PLS3: variants seen among roughly 807,000 people sequenced by gnomAD.
The protein encoded by PLS3 is plastin-3.
A neutral mutation model predicts 46.5 loss-of-function variants in PLS3; 11 were observed. The observed-to-expected ratio is 0.24, with a 90% CI of 0.15 to 0.39. The LOEUF is 0.39. PLS3 is among the 10% of genes least tolerant of loss of function. The pLI, the probability that PLS3 is intolerant of heterozygous loss-of-function variation, is 1.00. For synonymous variants in PLS3, 167 were observed against 162.2 expected (o/e 1.03, Z -0.22); for missense variants, 308 against 461.8 (o/e 0.67, Z 3.05).
intron 9 of PLS3, among the ~76,000 whole-genome samples, chrX:115,641,871 C>T (rs981598719): frequency 9.1e-5 from 10 of 109,876 alleles, no homozygotes; most frequent in African/African-American, 3.3e-4. Flanking sequence ...CTGCTTGGCA[C>T]TCACCCTACA....
At chrX:115,589,080 A>G (rs1307370632) in intron 1 of PLS3, among the ~76,000 whole-genome samples, 4 of 110,194 alleles carry the variant, frequency 3.6e-5, no homozygotes, top group African/African-American at 6.6e-5. Flanking sequence ...CTATCCTCCT[A>G]CCTCAGCCTC....
At chrX:115,606,595 C>T (rs985463340) in intron 1 of PLS3, among the ~76,000 whole-genome samples, 6 of 111,244 alleles carry the variant, frequency 5.4e-5, no homozygotes, top group Non-Finnish European at 7.5e-5. Flanking sequence ...AGAGAGGCCA[C>T]ATGTTTTAGA....
chrX:115,646,104 T>C lies in PLS3; in HGVS notation c.1295T>C (p.Leu432Ser). ...DLQDALVILQ[L>S]YERIKVPVDW... ...CAAGATGCCCTGGTAATCTTACAGT[T>C]ATATGAACGAATTAAAGTTCCTGTT... Residue 432 changes from leucine to serine, a missense_variant, in exon 12 of 16, where the codon TTA becomes TCA. Coordinates refer to ENST00000355899, the MANE Select transcript of PLS3 (RefSeq NM_005032.7). The C allele has an allele frequency of 1.7e-6, 2 of 1,184,720 alleles. No individual in the cohort carries two copies. Among genetic ancestry groups the C allele is most frequent in the Non-Finnish European group, 2.3e-6 (2 of 871,788 alleles).
intron 1 of PLS3, among the ~76,000 whole-genome samples, chrX:115,594,690 A>C (rs1041939135): frequency 4.9e-4 from 49 of 99,550 alleles, no homozygotes; most frequent in African/African-American, 1.3e-3. Context: ...ACACACACAC[A>C]CCCCACACAC....
At chrX:115,637,952 C>CTGTTGT (rs2074854551) in intron 8 of PLS3, among the ~76,000 whole-genome samples, 1 of 111,107 alleles carries the variant, frequency 9.0e-6, no homozygotes, top group Non-Finnish European at 1.9e-5. Flanking sequence ...GTTGTTGTTG[C>CTGTTGT]TGTTGTTGTT....
intron 11 of PLS3, among the ~76,000 whole-genome samples, chrX:115,645,310 A>T (rs782451123): frequency 4.5e-5 from 5 of 111,304 alleles, no homozygotes; most frequent in African/African-American, 1.6e-4. Flanking sequence ...AGAATATATA[A>T]ATGTCTTTAT....
chrX:115,580,721 A>G (rs1347472914), intron 1 of PLS3, among the ~76,000 whole-genome samples: 1 of 112,300 alleles, frequency 8.9e-6, no homozygotes, highest in African/African-American at 3.2e-5. Flanking sequence ...AATTGATTTA[A>G]TGAATTAGAC....
chrX:115,634,771 A>G (rs781850830), intron 6 of PLS3, 110 bp from the exon 7 acceptor site: 80 of 715,365 alleles, frequency 1.1e-4, no homozygotes, highest in South Asian at 7.5e-4. Context: ...GATGAAATTA[A>G]TACAGGGTAT....
In PLS3 at chrX:115,633,695, A is replaced by G. The variant is rs192129956; in HGVS notation, c.501-305A>G. 4.8e-3 allele frequency among the ~76,000 whole-genome samples: 522 copies of G among 108,956 alleles called. 5 individuals are homozygous for G. The highest frequency in any genetic ancestry group is 0.016 in the African/African-American group (490 of 29,875). The allele number at this position is 108,956 out of a possible 115,157, so 94.6% of individuals were successfully genotyped here. On this transcript the variant is annotated intron_variant, in intron 5 of 15. Coordinates refer to ENST00000355899, the MANE Select transcript of PLS3 (RefSeq NM_005032.7). Reference sequence around the variant, plus strand: ...TTTTGTAGAGACAGGGTCTCACTATATTGCCCAGGCTGGTCTGGAACTCCT... The same window carrying G: ...TTTTGTAGAGACAGGGTCTCACTATGTTGCCCAGGCTGGTCTGGAACTCCT...
chrX:115,601,994 C>G, intron 1 of PLS3, among the ~76,000 whole-genome samples: 1 of 111,928 alleles, frequency 8.9e-6, no homozygotes, highest in Non-Finnish European at 1.9e-5. Flanking sequence ...GCGAGTGTGT[C>G]TGTCACTAAC....
At chrX:115,604,752 T>C (rs1274905910) in intron 1 of PLS3, among the ~76,000 whole-genome samples, 3 of 111,802 alleles carry the variant, frequency 2.7e-5, no homozygotes, top group Non-Finnish European at 3.8e-5. Context: ...TATAGTACAA[T>C]GAATGCCCCA....
chrX:115,566,369 CT>C (rs1355514407), intron 1 of PLS3, among the ~76,000 whole-genome samples: 1 of 111,471 alleles, frequency 9.0e-6, no homozygotes, highest in Non-Finnish European at 1.9e-5. Flanking sequence ...CTTTCTTCTT[CT>C]TCTTTTGTTT....
At chrX:115,566,871 G>A (rs1024980449) in intron 1 of PLS3, among the ~76,000 whole-genome samples, 26 of 107,194 alleles carry the variant, frequency 2.4e-4, no homozygotes, top group Admixed American at 2.0e-4. Context: ...TAGAAATGGG[G>A]TTTCACCATG....
chrX:115,586,326 C>T (rs1445588026), intron 1 of PLS3, among the ~76,000 whole-genome samples: 3 of 106,777 alleles, frequency 2.8e-5, no homozygotes, highest in Non-Finnish European at 5.8e-5. Flanking sequence ...GATGTTAACT[C>T]ATTTTGTAAC....
chrX:115,633,257 G>A (rs781823067), intron 5 of PLS3, among the ~76,000 whole-genome samples: 83 of 108,240 alleles, frequency 7.7e-4, no homozygotes, highest in African/African-American at 2.5e-3. Flanking sequence ...TTCAACCTCC[G>A]CCTCCCAGGT....
At chrX:115,609,506 A>T (rs150004047) in intron 1 of PLS3, among the ~76,000 whole-genome samples, 1,476 of 111,834 alleles carry the variant, frequency 0.013, 20 homozygotes, top group Admixed American at 0.019. Flanking sequence ...ATGTGCCCCC[A>T]TCATCAAAAT....
intron 8 of PLS3, chrX:115,639,697 C>T (rs962474157): frequency 4.2e-5 from 14 of 331,438 alleles, no homozygotes; most frequent in African/African-American, 3.4e-4. Context: ...TCTTAATAAG[C>T]GTTTGTGCAA....
intron 2 of PLS3, among the ~76,000 whole-genome samples, chrX:115,611,350 C>T (rs191673352): frequency 1.3e-4 from 14 of 111,830 alleles, no homozygotes; most frequent in Non-Finnish European, 2.5e-4. Flanking sequence ...CGCGCACGCG[C>T]GTGTGTGTGT....
chrX:115,646,925 A>G (rs1465167024), intron 13 of PLS3, among the ~76,000 whole-genome samples: 3 of 112,366 alleles, frequency 2.7e-5, no homozygotes, highest in Non-Finnish European at 5.6e-5. Context: ...ATGACTGGGC[A>G]CCAGCCAAAG....
Sources: allele counts gnomAD v4.1 joint callset (sites outside exome capture counted in the v4.1 genomes callset), GRCh38; gene constraint gnomAD v4.1.1; transcripts MANE v1.5; gene names NCBI Gene and HGNC (gene_info 2026-07-23, HGNC 2026-07-21).